Variants in BTBD9 observed in about 807,000 individuals in gnomAD.
The protein encoded by BTBD9 is BTB domain containing 9.
BTBD9 carries 49 observed loss-of-function variants against 64.3 expected under a neutral mutation model. The ratio of observed to expected loss-of-function variants is 0.76; its 90% CI spans 0.61 to 0.97. The LOEUF is 0.97. Ranked by LOEUF, BTBD9 falls within the 50% of genes least tolerant of loss-of-function variation. The probability of loss-of-function intolerance (pLI) is 0.00; values close to 1 mark genes in which losing one functional copy is unlikely to be tolerated. For synonymous variants in BTBD9, 260 were observed against 274.7 expected, an observed-to-expected ratio of 0.95 and a Z score of 0.53; for missense variants, 598 against 762.1, an observed-to-expected ratio of 0.78 and a Z score of 2.53.
rs143662212 is a variant in BTBD9, at chr6:38,192,382, A to T, written c.1641+137T>A. 1,188 of 731,114 alleles carry T rather than the reference A, an allele frequency of 1.6e-3. 18 individuals carry two copies. In the South Asian group the frequency reaches 0.017, roughly 10 times the overall value. 45.3% of individuals were successfully genotyped at this position (731,114 alleles called of 1,614,324 possible). On this transcript the variant is annotated intron_variant, in intron 10 of 10. Coordinates refer to ENST00000481247, the MANE Select transcript of BTBD9 (RefSeq NM_001099272.2). ...AATGATAACCCCACTGTGCAACTGC[A>T]GGACTTTCTCCACACCAAGCTGTCT...
chr6:38,456,769 A>G (rs1769830979), intron 6 of BTBD9, among the ~76,000 whole-genome samples: 1 of 152,142 alleles, frequency 6.6e-6, no homozygotes, highest in African/African-American at 2.4e-5. Context: ...CCCTGCGTCA[A>G]ATATCTGGTT....
At chr6:38,438,002 C>A (rs1768816431) in intron 6 of BTBD9, among the ~76,000 whole-genome samples, 1 of 151,826 alleles carries the variant, frequency 6.6e-6, no homozygotes, top group South Asian at 2.1e-4. Context: ...AGATGGAATT[C>A]TAATTTAAAC....
chr6:38,525,578 A>G (rs2127423952), intron 6 of BTBD9, among the ~76,000 whole-genome samples: 1 of 152,316 alleles, frequency 6.6e-6, no homozygotes, highest in South Asian at 2.1e-4. Context: ...AACTTCCTAG[A>G]GACTTGTTGA....
chr6:38,567,871 T>C (rs368289649), intron 6 of BTBD9, among the ~76,000 whole-genome samples: 28 of 152,180 alleles, frequency 1.8e-4, no homozygotes, highest in Non-Finnish European at 1.5e-5. Flanking sequence ...TTGTTTCCTA[T>C]TATTTCCTTC....
At position 38,365,629 on chromosome 6, in the gene BTBD9, A is replaced by G. The variant is rs111750186; in HGVS notation, c.1155-20536T>C. ...GAAAATTTGCAGGGCGTGGTGGCAC[A>G]CGCCTATAATCCCAGCTTCTCAGAA... On this transcript the variant is annotated intron_variant, in intron 6 of 10. Transcript: ENST00000481247. 7.1e-3 allele frequency among the ~76,000 whole-genome samples: 1,087 copies of G among 152,214 alleles called. 11 individuals are homozygous for G. The highest frequency in any genetic ancestry group is 0.024 in the African/African-American group (1,014 of 41,552).
chr6:38,209,494 G>A lies in BTBD9; in HGVS notation c.1563-16897C>T, dbSNP rs976919811. Among the ~76,000 whole-genome samples the A allele has an allele frequency of 3.3e-5, 5 of 152,208 alleles. No homozygotes were observed. The South Asian group carries it at 8.3e-4, about 25-fold the overall frequency. ...CTTCCCTTGGCTGTGGTTAGCAGAA[G>A]TCTGGTTATAGCTGGACCGGTGGGT... On this transcript the variant is annotated intron_variant, in intron 9 of 10. Transcript: ENST00000481247.
At chr6:38,232,460 T>A (rs1450922050) in intron 9 of BTBD9, among the ~76,000 whole-genome samples, 1 of 151,666 alleles carries the variant, frequency 6.6e-6, no homozygotes, top group Non-Finnish European at 1.5e-5. Flanking sequence ...TTAGTAGAGA[T>A]GGGGTTTCAC....
At chr6:38,378,913 G>A (rs1373787993) in intron 6 of BTBD9, among the ~76,000 whole-genome samples, 2 of 151,634 alleles carry the variant, frequency 1.3e-5, no homozygotes, top group African/African-American at 2.4e-5. Flanking sequence ...GGCAAGAATC[G>A]TTGGAAAGGA....
At chr6:38,539,836 C>T (rs936767864) in intron 6 of BTBD9, among the ~76,000 whole-genome samples, 3 of 152,028 alleles carry the variant, frequency 2.0e-5, no homozygotes, top group African/African-American at 7.2e-5. Context: ...AACATGATTC[C>T]ATGTTAGGCT....
intron 1 of BTBD9, among the ~76,000 whole-genome samples, chr6:38,629,107 A>G (rs1348699948): frequency 6.6e-6 from 1 of 152,322 alleles, no homozygotes; most frequent in African/African-American, 2.4e-5. Context: ...GATCACTGAG[A>G]TATTAATTAA....
At chr6:38,540,292 C>G (rs1213613397) in intron 6 of BTBD9, among the ~76,000 whole-genome samples, 1 of 149,290 alleles carries the variant, frequency 6.7e-6, no homozygotes, top group Non-Finnish European at 1.5e-5. Flanking sequence ...GTAATAAGTG[C>G]TAAGTAATAA....
At chr6:38,336,947 C>G (rs984934617) in intron 7 of BTBD9, among the ~76,000 whole-genome samples, 6 of 152,058 alleles carry the variant, frequency 3.9e-5, no homozygotes, top group Admixed American at 2.6e-4. Context: ...TGCTTAATGC[C>G]AAGAAATTTA....
chr6:38,601,602 C>T (rs1316409392), intron 1 of BTBD9, among the ~76,000 whole-genome samples: 8 of 152,150 alleles, frequency 5.3e-5, no homozygotes, highest in Admixed American at 5.2e-4. Context: ...AGGAGGATCA[C>T]TTGAGCCCAG....
intron 9 of BTBD9, among the ~76,000 whole-genome samples, chr6:38,231,595 A>C (rs1199024327): frequency 1.3e-5 from 2 of 152,180 alleles, no homozygotes; most frequent in African/African-American, 4.8e-5. Flanking sequence ...AGAAGACTCT[A>C]TTTACAGTAG....
In BTBD9 at chr6:38,298,369, T is replaced by A. The variant is rs190432841; in HGVS notation, c.1265-9908A>T. 4.7e-3 allele frequency among the ~76,000 whole-genome samples: 714 copies of A among 152,288 alleles called. 6 individuals are homozygous for A. Among genetic ancestry groups the A allele is most frequent in the Non-Finnish European group, 5.9e-3 (401 of 68,022 alleles). On this transcript the variant is annotated intron_variant, in intron 7 of 10. Transcript: ENST00000481247. ...AAAGACCTTAACACATTTTTGCAAT[T>A]AAAAATAGTTTTGACACATAATATT...
chr6:38,225,493 T>C (rs1561896259), intron 9 of BTBD9, among the ~76,000 whole-genome samples: 1 of 152,196 alleles, frequency 6.6e-6, no homozygotes, highest in Non-Finnish European at 1.5e-5. Flanking sequence ...TGTGGAACCA[T>C]TCCTTTAGTA....
chr6:38,611,725 T>G (rs548247434), intron 1 of BTBD9, among the ~76,000 whole-genome samples: 1 of 152,176 alleles, frequency 6.6e-6, no homozygotes, highest in South Asian at 2.1e-4. Flanking sequence ...TAAAAATATC[T>G]CTCAACTATT....
chr6:38,541,368 C>T (rs1774260580), intron 6 of BTBD9, among the ~76,000 whole-genome samples: 1 of 152,022 alleles, frequency 6.6e-6, no homozygotes, highest in Admixed American at 6.5e-5. Context: ...GAAGGGAATA[C>T]GGGAATAAGG....
chr6:38,240,673 T>C (rs181682448), intron 9 of BTBD9, among the ~76,000 whole-genome samples: 5 of 152,338 alleles, frequency 3.3e-5, no homozygotes, highest in African/African-American at 4.8e-5. Flanking sequence ...TTAATATTAA[T>C]GTAAGAACAC....
Sources: allele counts gnomAD v4.1 joint callset (sites outside exome capture counted in the v4.1 genomes callset), GRCh38; gene constraint gnomAD v4.1.1; transcripts MANE v1.5; gene names NCBI Gene and HGNC (gene_info 2026-07-23, HGNC 2026-07-21).